The following TAF2 variants were observed in gnomAD, a reference collection of about 807,000 sequenced individuals.
TAF2 encodes the protein transcription initiation factor TFIID subunit 2.
A neutral mutation model predicts 138.5 loss-of-function variants in TAF2; 61 were observed. The observed-to-expected ratio is 0.44, with a 90% confidence interval of 0.36 to 0.54. The LOEUF is 0.54. TAF2 is among the 20% of genes least tolerant of loss of function. The pLI is 0.00. For synonymous variants in TAF2, 475 were observed against 469.9 expected (o/e 1.01, Z -0.14); for missense variants, 1,090 against 1,427.9 (o/e 0.76, Z 3.81).
intron 22 of TAF2, 79 bp downstream of exon 22, chr8:119,755,927 T>C (rs897051053): frequency 1.7e-6 from 2 of 1,147,232 alleles, no homozygotes; most frequent in Non-Finnish European, 2.6e-6. Flanking sequence ...TAGTTCTAAA[T>C]GCTATTGAAT....
chr8:119,820,335 G>A (rs1760262139), intron 2 of TAF2, among the ~76,000 whole-genome samples: 1 of 152,134 alleles, frequency 6.6e-6, no homozygotes, highest in Admixed American at 6.6e-5. Flanking sequence ...AAAAATTTCA[G>A]AGGCTATAAC....
chr8:119,772,623 A>G (rs13254165), intron 18 of TAF2, among the ~76,000 whole-genome samples: 1 of 152,102 alleles, frequency 6.6e-6, no homozygotes, highest in Non-Finnish European at 1.5e-5. Flanking sequence ...TAAAAGATAC[A>G]CAATATAAAA....
intron 17 of TAF2, among the ~76,000 whole-genome samples, chr8:119,779,293 C>T (rs1266576730): frequency 2.8e-5 from 4 of 145,192 alleles, no homozygotes; most frequent in Admixed American, 2.1e-4. Context: ...TCAGATGCAA[C>T]GTATACAAAT....
chr8:119,756,661 A>C (rs988594676), intron 21 of TAF2, among the ~76,000 whole-genome samples: 3 of 152,188 alleles, frequency 2.0e-5, no homozygotes, highest in Non-Finnish European at 2.9e-5. Context: ...AAGTTTGTAA[A>C]AAGTTTTCCT....
In TAF2 at chr8:119,731,934, A is replaced by G. The variant is rs780660714; in HGVS notation, c.3590T>C (p.Leu1197Pro). 24 of 1,614,022 alleles carry G rather than the reference A, an allele frequency of 1.5e-5. No homozygotes were observed. The highest frequency in any genetic ancestry group is 6.7e-5 in the Admixed American group (4 of 60,008). ...ASGRSIRSPS[L>P]SD ...CTTTTTGTCCCCTTCTCAGTCTGAA[A>G]GGGAAGGAGAACGAATAGACCTGCC... The change falls in exon 26 of 26, where the codon CTT (leucine) becomes CCT (proline). Residue 1197 changes from leucine to proline, a missense_variant. Physicochemically the swap from Leu to Pro is moderately conservative, Grantham distance 98. Around this residue, in one of 3 missense-constraint regions of TAF2, gnomAD observed 580 missense variants for 719.6 expected, o/e 0.81. Coordinates refer to ENST00000378164, the MANE Select transcript of TAF2 (RefSeq NM_003184.4).
chr8:119,825,163 C>T (rs554883387), intron 2 of TAF2, among the ~76,000 whole-genome samples: 2 of 152,372 alleles, frequency 1.3e-5, no homozygotes, highest in South Asian at 4.1e-4. Context: ...GGGAACCTAC[C>T]TCTTGCATCA....
Position 119,802,304 on chromosome 8 carries a change from AT to A in TAF2, c.561-280del, listed in dbSNP as rs138430794. Among the ~76,000 whole-genome samples the A allele has an allele frequency of 3.9e-3, 600 of 152,344 alleles. 3 individuals carry two copies. The highest frequency in any genetic ancestry group is 5.5e-3 in the Non-Finnish European group (377 of 68,038). On this transcript the variant is annotated intron_variant, in intron 5 of 25. Coordinates refer to ENST00000378164, the MANE Select transcript of TAF2 (RefSeq NM_003184.4). ...TTCTTAGCTTTCAGTGTTTTAAAAA[AT>A]AATTTTAACTTGTATCCGCATATTA...
At chr8:119,785,179 A>G (rs752783114) in intron 15 of TAF2, 22 bp downstream of exon 15, 3 of 1,583,350 alleles carry the variant, frequency 1.9e-6, no homozygotes, top group Non-Finnish European at 2.6e-6. Flanking sequence ...TTATAACCTT[A>G]TATTTAAGTT....
At chr8:119,761,870 T>G (rs1162998619) in intron 19 of TAF2, 1 of 151,948 alleles carries the variant, frequency 6.6e-6, no homozygotes, top group East Asian at 1.9e-4. Flanking sequence ...GTTACAGGAA[T>G]AGTTTTAAGA....
chr8:119,765,560 T>C (rs1259977360), intron 18 of TAF2, among the ~76,000 whole-genome samples: 1 of 151,976 alleles, frequency 6.6e-6, no homozygotes, highest in Non-Finnish European at 1.5e-5. Flanking sequence ...GCTGGAGGGG[T>C]GGACTGGGAC....
intron 22 of TAF2, among the ~76,000 whole-genome samples, chr8:119,751,536 G>A (rs889183262): frequency 3.9e-5 from 6 of 152,144 alleles, no homozygotes; most frequent in Non-Finnish European, 8.8e-5. Context: ...CAGGGTTCAT[G>A]ACTCCTTTCT....
intron 2 of TAF2, among the ~76,000 whole-genome samples, chr8:119,825,778 G>A (rs1488883306): frequency 1.3e-5 from 2 of 152,014 alleles, no homozygotes; most frequent in East Asian, 1.9e-4. Context: ...TCTGCCTCCT[G>A]TGTTCACACC....
chr8:119,743,539 A>C (rs1056201306), intron 24 of TAF2, among the ~76,000 whole-genome samples: 11 of 152,186 alleles, frequency 7.2e-5, no homozygotes, highest in South Asian at 2.1e-4. Context: ...CACAACTTTT[A>C]TCAAAGGCTT....
At chr8:119,822,397 T>C (rs778882247) in intron 2 of TAF2, among the ~76,000 whole-genome samples, 3 of 152,054 alleles carry the variant, frequency 2.0e-5, no homozygotes, top group Non-Finnish European at 2.9e-5. Context: ...TAATTAAAAA[T>C]TTTTTTCTCT....
intron 25 of TAF2, among the ~76,000 whole-genome samples, chr8:119,739,017 T>G (rs112776653): frequency 3.2e-3 from 382 of 117,762 alleles, no homozygotes; most frequent in African/African-American, 5.7e-3. Context: ...GAAGTTTTTT[T>G]TTTTTTTTTT....
intron 3 of TAF2, among the ~76,000 whole-genome samples, chr8:119,808,744 A>G (rs912156677): frequency 6.6e-6 from 1 of 152,236 alleles, no homozygotes; most frequent in Non-Finnish European, 1.5e-5. Flanking sequence ...CATCTCCATC[A>G]GAGCTCTTGG....
At chr8:119,832,137 C>A (rs1049037200) in intron 1 of TAF2, among the ~76,000 whole-genome samples, 30 of 150,966 alleles carry the variant, frequency 2.0e-4, no homozygotes, top group Admixed American at 6.6e-5. Flanking sequence ...CCAGCCTGGG[C>A]GACTGAGAGA....
intron 18 of TAF2, among the ~76,000 whole-genome samples, chr8:119,772,910 C>A (rs1821950587): frequency 6.6e-6 from 1 of 150,394 alleles, no homozygotes. Flanking sequence ...GCACTCCAGT[C>A]TGGTTAACAA....
Position 119,760,390 on chromosome 8 carries a change from AAAG to A in TAF2, c.2698+206_2698+208del, listed in dbSNP as rs1452892621. The A allele has an allele frequency of 9.9e-5, 54 of 547,396 alleles. No individual in the cohort carries two copies. The East Asian group carries it at 1.3e-3, about 13-fold the overall frequency. The allele number at this position is 547,396 out of a possible 1,614,324, so 33.9% of individuals were successfully genotyped here. On this transcript the variant is annotated intron_variant, in intron 20 of 25. Coordinates refer to ENST00000378164, the MANE Select transcript of TAF2 (RefSeq NM_003184.4). ...TGAAAACTGACTTCTTGGAAAGGCT[AAAG>A]ATACCTATAATTTTATTCCTTTCCC...
Sources: allele counts gnomAD v4.1 joint callset (sites outside exome capture counted in the v4.1 genomes callset), GRCh38; gene constraint gnomAD v4.1.1; regional missense constraint gnomAD v4.1.1; transcripts MANE v1.5; gene names NCBI Gene and HGNC (gene_info 2026-07-23, HGNC 2026-07-21).